The following TC2N variants were observed in gnomAD, a reference collection of about 807,000 sequenced individuals.
TC2N encodes the protein tandem C2 domains, nuclear.
TC2N carries 51 observed loss-of-function variants against 61.9 expected under a neutral mutation model. That is an observed-to-expected ratio of 0.82 (90% CI 0.66 to 1.04). The LOEUF (loss-of-function observed/expected upper bound fraction) is 1.04, where lower values mean the gene tolerates loss of function less well. Among genes scored for constraint, TC2N ranks in the 50% least tolerant of loss-of-function variants. The probability of loss-of-function intolerance (pLI) is 0.00; values close to 1 mark genes in which losing one functional copy is unlikely to be tolerated. For synonymous variants in TC2N, 204 were observed against 192.6 expected, an observed-to-expected ratio of 1.06 and a Z score of -0.49; for missense variants, 556 against 566.7, an observed-to-expected ratio of 0.98 and a Z score of 0.19.
intron 5 of TC2N, among the ~76,000 whole-genome samples, chr14:91,799,361 C>T (rs967431446): frequency 7.9e-5 from 12 of 151,842 alleles, no homozygotes; most frequent in African/African-American, 1.7e-4. Context: ...AGAGTATTAA[C>T]GAAAATGAGA....
rs772842267 is a variant in TC2N at position 91,783,170 on chromosome 14, T to C, written c.1403A>G (p.Asn468Ser). 1.9e-6 allele frequency: 3 copies of C among 1,611,758 alleles called. No homozygotes were observed. Among genetic ancestry groups the C allele is most frequent in the Non-Finnish European group, 1.7e-6 (2 of 1,178,550 alleles). The change falls in exon 12 of 12, where the codon AAC (asparagine) becomes AGC (serine). Residue 468 changes from asparagine (N) to serine (S), a missense_variant. Physicochemically the swap from Asn to Ser is conservative, Grantham distance 46. Coordinates refer to ENST00000435962, the MANE Select transcript of TC2N (RefSeq NM_001128596.3). ...SEDSNNIEAVNQWKETVINPE... is the reference protein window; with the variant it reads ...SEDSNNIEAVSQWKETVINPE... ...ATTTATTACTGTCTCTTTCCACTGG[T>C]TCACTGCTTCAATGTTATTACTGTC...
chr14:91,862,697 A>G (rs999560213), intron 1 of TC2N, among the ~76,000 whole-genome samples: 4 of 152,200 alleles, frequency 2.6e-5, no homozygotes, highest in African/African-American at 9.7e-5. Flanking sequence ...AGTCACTCCA[A>G]ATGAGGCAGC....
intron 10 of TC2N, 68 bp from the exon 11 acceptor site, chr14:91,785,429 C>T (rs997764624): frequency 8.7e-7 from 1 of 1,153,416 alleles, no homozygotes; most frequent in Non-Finnish European, 1.3e-6. Context: ...TGTATATACA[C>T]ATCCAAGTTG....
chr14:91,817,797 T>C (rs1431069862), intron 1 of TC2N, among the ~76,000 whole-genome samples: 2 of 151,948 alleles, frequency 1.3e-5, no homozygotes, highest in African/African-American at 2.4e-5. Context: ...TTGGGGAAGA[T>C]GGAGGAAGGT....
intron 1 of TC2N, among the ~76,000 whole-genome samples, chr14:91,845,031 G>A (rs1888242365): frequency 6.6e-6 from 1 of 151,906 alleles, no homozygotes; most frequent in Admixed American, 6.6e-5. Flanking sequence ...GAAGCCAGGA[G>A]TTTGAGACCA....
At chr14:91,843,775 G>A (rs1292615319) in intron 1 of TC2N, among the ~76,000 whole-genome samples, 2 of 152,130 alleles carry the variant, frequency 1.3e-5, no homozygotes, top group African/African-American at 4.8e-5. Context: ...AATATTCAAG[G>A]ACATCTTTTT....
intron 1 of TC2N, among the ~76,000 whole-genome samples, chr14:91,825,893 G>A (rs9783647): frequency 0.038 from 5,779 of 152,180 alleles, 355 homozygotes; most frequent in African/African-American, 0.13. Context: ...TGTGATCAGA[G>A]AAATTGTATA....
intron 7 of TC2N, 55 bp from the exon 8 acceptor site, chr14:91,797,956 A>C (rs577149418): frequency 1.7e-4 from 197 of 1,127,972 alleles, no homozygotes; most frequent in South Asian, 5.0e-4. Flanking sequence ...CAATACAAAC[A>C]TTTGATGTAT....
Position 91,812,495 on chromosome 14 carries a change from T to C in TC2N, c.118A>G (p.Thr40Ala), listed in dbSNP as rs763510275. ...GAAGTCAATGGAGGTACAGAGATAG[T>C]AGCATTTTGACTATTTGGGACTGCT... ...KAAVPNSQNA[T>A]ISVPPLTSVS... The change falls in exon 3 of 12, where the codon ACT (threonine) becomes GCT (alanine). Residue 40 changes from threonine (T) to alanine (A), a missense_variant. Coordinates refer to ENST00000435962, the MANE Select transcript of TC2N (RefSeq NM_001128596.3). 20 of 1,608,822 alleles carry C rather than the reference T, an allele frequency of 1.2e-5. No individual in the cohort carries two copies. The South Asian group carries it at 1.3e-4, about 11-fold the overall frequency.
intron 1 of TC2N, among the ~76,000 whole-genome samples, chr14:91,843,404 T>C (rs1295658420): frequency 6.6e-6 from 1 of 152,118 alleles, no homozygotes; most frequent in Non-Finnish European, 1.5e-5. Context: ...ATTTAGCCAA[T>C]AGTAAGTTAG....
intron 1 of TC2N, among the ~76,000 whole-genome samples, chr14:91,856,833 T>A (rs1279101750): frequency 6.6e-6 from 1 of 152,226 alleles, no homozygotes; most frequent in African/African-American, 2.4e-5. Context: ...CTGTCCCTAG[T>A]GCCACCAGAG....
chr14:91,820,037 T>C (rs1469433656), intron 1 of TC2N, among the ~76,000 whole-genome samples: 1 of 152,086 alleles, frequency 6.6e-6, no homozygotes, highest in Non-Finnish European at 1.5e-5. Context: ...GATGATAGAT[T>C]TGAACTTAAT....
intron 3 of TC2N, among the ~76,000 whole-genome samples, chr14:91,808,685 A>G (rs1886629946): frequency 6.6e-6 from 1 of 152,180 alleles, no homozygotes; most frequent in African/African-American, 2.4e-5. Flanking sequence ...TTTCTTCCTC[A>G]TTCAACTCAA....
Position 91,802,330 on chromosome 14 carries a change from A to G in TC2N, c.393T>C (p.Tyr131=). ...AATCAGGTGAAATGTGCTGATACAT[A>G]TAGAATGGGTTATACACATCATAGC... is the stretch of plus-strand genomic sequence containing the variant. The part of the protein sequence containing the change: ...GPSYDVYNPF[Y]MYQHISPDLS... The change falls in exon 4 of 12, where the codon TAT becomes TAC. Residue 131 remains tyrosine (Y), a synonymous_variant. Coordinates refer to ENST00000435962, the MANE Select transcript of TC2N (RefSeq NM_001128596.3). 6.2e-7 allele frequency: 1 copy of G among 1,611,054 alleles called. No homozygotes were observed. Among genetic ancestry groups the G allele is most frequent in the South Asian group, 1.1e-5 (1 of 90,156 alleles).
chr14:91,824,517 G>A (rs760792879), intron 1 of TC2N, among the ~76,000 whole-genome samples: 1 of 152,164 alleles, frequency 6.6e-6, no homozygotes, highest in Non-Finnish European at 1.5e-5. Context: ...AGAAATACAA[G>A]TGCCATTCTT....
chr14:91,857,281 C>G (rs931580839), intron 1 of TC2N, among the ~76,000 whole-genome samples: 1 of 152,206 alleles, frequency 6.6e-6, no homozygotes, highest in Non-Finnish European at 1.5e-5. Context: ...TTGCTAGAAA[C>G]TCCATTCCCA....
At chr14:91,858,996 A>G (rs890239145) in intron 1 of TC2N, among the ~76,000 whole-genome samples, 1 of 152,208 alleles carries the variant, frequency 6.6e-6, no homozygotes, top group Non-Finnish European at 1.5e-5. Context: ...AGATGAAAAC[A>G]TCCTAGTGAT....
chr14:91,813,492 T>C (rs1886868824), intron 2 of TC2N, among the ~76,000 whole-genome samples: 1 of 151,738 alleles, frequency 6.6e-6, no homozygotes, highest in South Asian at 2.1e-4. Flanking sequence ...CAATTTTCTT[T>C]ATGGTAATAT....
intron 3 of TC2N, among the ~76,000 whole-genome samples, chr14:91,811,413 G>T (rs1470143115): frequency 6.6e-6 from 1 of 151,490 alleles, no homozygotes; most frequent in Non-Finnish European, 1.5e-5. Flanking sequence ...AATTTTGAGG[G>T]TAAAAAAGCT....
Sources: gnomAD v4.1 joint callset for allele counts (sites outside exome capture counted in the v4.1 genomes callset) on GRCh38, gnomAD v4.1.1 for gene constraint, MANE v1.5 for transcripts, NCBI Gene and HGNC (gene_info 2026-07-23, HGNC 2026-07-21) for gene names.